Variants in WDR7 observed in about 807,000 individuals in gnomAD.
WDR7 encodes the protein WD repeat-containing protein 7.
In WDR7, 46 loss-of-function variants were observed where a neutral mutation model predicts 169.4. The ratio of observed to expected loss-of-function variants is 0.27; its 90% CI spans 0.21 to 0.35. The LOEUF (loss-of-function observed/expected upper bound fraction) is 0.35. Among genes scored for constraint, WDR7 ranks in the 10% least tolerant of loss-of-function variants. The pLI is 1.00. For missense variants in WDR7, 1,534 were observed against 1,859.3 expected (o/e 0.83, Z 3.22); for synonymous variants, 612 against 666.8 (o/e 0.92, Z 1.27).
intron 21 of WDR7, among the ~76,000 whole-genome samples, chr18:56,899,009 TAAAG>T (rs1395639532): frequency 2.0e-5 from 3 of 152,118 alleles, no homozygotes; most frequent in Non-Finnish European, 4.4e-5. Context: ...GGTAGCAGAA[TAAAG>T]ATAGATTTAT....
At chr18:56,991,164 T>TTTTTC (rs2047810030) in intron 26 of WDR7, among the ~76,000 whole-genome samples, 1 of 148,334 alleles carries the variant, frequency 6.7e-6, no homozygotes, top group African/African-American at 2.5e-5. Context: ...TTTTTTTTTT[T>TTTTTC]GAGACGGAGT....
chr18:56,671,376 C>T (rs1218970009), intron 1 of WDR7, among the ~76,000 whole-genome samples: 6 of 151,446 alleles, frequency 4.0e-5, no homozygotes, highest in African/African-American at 1.2e-4. Flanking sequence ...GCAACCTCTG[C>T]CTCCCAGGTT....
chr18:56,711,546 T>G (rs183334519), intron 12 of WDR7, among the ~76,000 whole-genome samples: 2 of 151,394 alleles, frequency 1.3e-5, no homozygotes, highest in East Asian at 3.9e-4. Flanking sequence ...TTCTTCAGTG[T>G]TTTTTTTTAT....
At chr18:56,655,448 G>A (rs1395926329) in intron 1 of WDR7, among the ~76,000 whole-genome samples, 1 of 151,800 alleles carries the variant, frequency 6.6e-6, no homozygotes, top group South Asian at 2.1e-4. Context: ...TCAAAACCCC[G>A]TCTCTGGCAA....
chr18:56,900,702 G>C (rs560012860), intron 21 of WDR7, among the ~76,000 whole-genome samples: 2 of 152,126 alleles, frequency 1.3e-5, no homozygotes, highest in African/African-American at 4.8e-5. Flanking sequence ...GTGGCCTACC[G>C]CTGCCTGTGA....
At chr18:56,833,532 T>G (rs562437551) in intron 20 of WDR7, among the ~76,000 whole-genome samples, 4 of 152,214 alleles carry the variant, frequency 2.6e-5, no homozygotes, top group African/African-American at 9.6e-5. Flanking sequence ...TATAAGCTAA[T>G]TGGTACCTAG....
intron 1 of WDR7, among the ~76,000 whole-genome samples, chr18:56,654,963 T>A (rs1019584220): frequency 6.6e-6 from 1 of 152,256 alleles, no homozygotes; most frequent in Non-Finnish European, 1.5e-5. Context: ...TCATATATAC[T>A]CTGAATATTG....
At chr18:56,764,818 G>A (rs143954271) in intron 16 of WDR7, among the ~76,000 whole-genome samples, 2,009 of 152,146 alleles carry the variant, frequency 0.013, 21 homozygotes, top group East Asian at 0.033. Context: ...CTGCCTGCTT[G>A]CCTTTATCAA....
At chr18:56,701,329 A>G (rs2025830359) in intron 12 of WDR7, among the ~76,000 whole-genome samples, 1 of 152,212 alleles carries the variant, frequency 6.6e-6, no homozygotes, top group Non-Finnish European at 1.5e-5. Context: ...GGTTTCTAAT[A>G]TTAGGTTATT....
intron 19 of WDR7, among the ~76,000 whole-genome samples, chr18:56,794,302 C>CTATTTTTT (rs2044543086): frequency 3.4e-5 from 1 of 29,466 alleles, no homozygotes; most frequent in Non-Finnish European, 9.1e-5. Flanking sequence ...AAGGTAAAGT[C>CTATTTTTT]TATTTTTTTT....
At chr18:56,719,178 A>AGAAGAAAGATGAGCCC (rs2026260080) in intron 13 of WDR7, among the ~76,000 whole-genome samples, 1 of 152,240 alleles carries the variant, frequency 6.6e-6, no homozygotes, top group Non-Finnish European at 1.5e-5. Flanking sequence ...GTATTAGAAA[A>AGAAGAAAGATGAGCCC]GAAGAAAGAT....
chr18:56,727,674 T>G (rs2026490424), intron 13 of WDR7, among the ~76,000 whole-genome samples: 1 of 152,208 alleles, frequency 6.6e-6, no homozygotes, highest in African/African-American at 2.4e-5. Flanking sequence ...ATGGGGATTA[T>G]TACAATTCAA....
At chr18:56,715,510 G>A (rs1459010060) in intron 12 of WDR7, among the ~76,000 whole-genome samples, 2 of 152,116 alleles carry the variant, frequency 1.3e-5, no homozygotes, top group African/African-American at 4.8e-5. Flanking sequence ...AGATTTTGGA[G>A]AGTTTGGGAG....
At chr18:56,917,074 G>A (rs909172457) in intron 21 of WDR7, among the ~76,000 whole-genome samples, 1 of 152,144 alleles carries the variant, frequency 6.6e-6, no homozygotes, top group African/African-American at 2.4e-5. Context: ...GTGCATGCCT[G>A]TAATCCCAGC....
intron 14 of WDR7, among the ~76,000 whole-genome samples, chr18:56,742,543 A>G (rs1035700018): frequency 2.0e-5 from 3 of 152,244 alleles, no homozygotes; most frequent in Non-Finnish European, 2.9e-5. Flanking sequence ...AGTCAAGTTC[A>G]GTTAAACATT....
At chr18:56,967,426 C>T (rs77899212) in intron 26 of WDR7, among the ~76,000 whole-genome samples, 2,229 of 152,094 alleles carry the variant, frequency 0.015, 24 homozygotes, top group African/African-American at 0.026. Flanking sequence ...ATCTAACTCC[C>T]TATGAAGAAG....
intron 20 of WDR7, among the ~76,000 whole-genome samples, chr18:56,834,589 C>T (rs2145298519): frequency 6.6e-6 from 1 of 152,122 alleles, no homozygotes; most frequent in East Asian, 1.9e-4. Context: ...TATGTTTTAT[C>T]AGTGATATTC....
intron 27 of WDR7, among the ~76,000 whole-genome samples, 162 bp downstream of exon 27, chr18:57,021,011 T>C (rs971577422): frequency 6.6e-6 from 1 of 152,200 alleles, no homozygotes; most frequent in Non-Finnish European, 1.5e-5. Flanking sequence ...TGCCAGGCAC[T>C]AGCATGCAGG....
intron 21 of WDR7, among the ~76,000 whole-genome samples, chr18:56,886,155 C>T (rs961492320): frequency 3.9e-5 from 6 of 152,126 alleles, no homozygotes; most frequent in African/African-American, 1.4e-4. Flanking sequence ...ACAAAAAGAT[C>T]ATGACCTAGG....
Sources: allele counts gnomAD v4.1 joint callset (sites outside exome capture counted in the v4.1 genomes callset), GRCh38; gene constraint gnomAD v4.1.1; transcripts MANE v1.5; gene names NCBI Gene and HGNC (gene_info 2026-07-23, HGNC 2026-07-21).